The following SLC35D4 variants were observed in gnomAD, a reference collection of about 807,000 sequenced individuals.
The protein encoded by SLC35D4 is UDP-N-acetylglucosamine transporter SLC35D4.
At chr18:23,401,522 C>A in the SLC35D4 span, among the ~76,000 whole-genome samples, 1 of 152,202 alleles carries the variant, frequency 6.6e-6, no homozygotes, top group Non-Finnish European at 1.5e-5. Flanking sequence ...AATTGCTATT[C>A]TTCTAGGAAG....
the SLC35D4 span, chr18:23,377,588 G>A: frequency 6.6e-7 from 1 of 1,518,242 alleles, no homozygotes; most frequent in Non-Finnish European, 8.8e-7. Flanking sequence ...TATCATTCAA[G>A]TTAAAAATAG....
At chr18:23,382,764 C>T in the SLC35D4 span, among the ~76,000 whole-genome samples, 3 of 152,152 alleles carry the variant, frequency 2.0e-5, no homozygotes, top group Admixed American at 6.5e-5. Flanking sequence ...GCCCAAGTGC[C>T]GAGAGGCCTC....
the SLC35D4 span, among the ~76,000 whole-genome samples, chr18:23,275,628 T>G: frequency 2.9e-5 from 4 of 139,988 alleles, no homozygotes; most frequent in South Asian, 8.4e-4. Context: ...TGTGCTGTGC[T>G]GTGCTGTGCT....
the SLC35D4 span, among the ~76,000 whole-genome samples, chr18:23,415,947 C>A: frequency 2.0e-5 from 3 of 152,140 alleles, no homozygotes; most frequent in Non-Finnish European, 4.4e-5. Context: ...GTGGCTCATG[C>A]CTGTAATCCC....
At chr18:23,253,869 CATG>C in the SLC35D4 span, 1 of 1,614,224 alleles carries the variant, frequency 6.2e-7, no homozygotes, top group Non-Finnish European at 8.5e-7. Context: ...TGTGCTGGGG[CATG>C]TGTGCTGTTA....
chr18:23,421,980 TCTC>T, the SLC35D4 span, among the ~76,000 whole-genome samples: 4 of 151,786 alleles, frequency 2.6e-5, no homozygotes, highest in African/African-American at 9.7e-5. Flanking sequence ...CCTGGCCTCT[TCTC>T]CTCTTATTCT....
At chr18:23,257,028 G>A in the SLC35D4 span, 33 of 592,430 alleles carry the variant, frequency 5.6e-5, no homozygotes, top group Non-Finnish European at 9.4e-5. Context: ...CAGCCCCTCG[G>A]GAAAGGAGCA....
At chr18:23,419,300 T>G in the SLC35D4 span, among the ~76,000 whole-genome samples, 1 of 152,064 alleles carries the variant, frequency 6.6e-6, no homozygotes, top group Non-Finnish European at 1.5e-5. Flanking sequence ...TTTTCTTTTT[T>G]TTCTTTTTTG....
chr18:23,240,116 T>C, the SLC35D4 span, among the ~76,000 whole-genome samples: 221 of 152,120 alleles, frequency 1.5e-3, no homozygotes, highest in Non-Finnish European at 2.4e-3. Flanking sequence ...AGACCCTGTC[T>C]CAACAAAACA....
At chr18:23,297,737 C>G in the SLC35D4 span, 1 of 402,030 alleles carries the variant, frequency 2.5e-6, no homozygotes, top group African/African-American at 2.1e-5. Context: ...GAGAGAGGTT[C>G]TCCAAATGGG....
At chr18:23,283,691 C>T in the SLC35D4 span, among the ~76,000 whole-genome samples, 2 of 151,718 alleles carry the variant, frequency 1.3e-5, no homozygotes, top group East Asian at 1.9e-4. Flanking sequence ...TGCCTGTAAT[C>T]CCAGCTACTC....
the SLC35D4 span, among the ~76,000 whole-genome samples, chr18:23,405,687 T>C: frequency 6.6e-5 from 10 of 152,214 alleles, no homozygotes; most frequent in East Asian, 1.9e-3. Flanking sequence ...GTAGTAGTCA[T>C]GGGAGGAGAG....
chr18:23,249,254 C>T, the SLC35D4 span, among the ~76,000 whole-genome samples: 62 of 152,338 alleles, frequency 4.1e-4, 1 homozygote, highest in South Asian at 2.3e-3. Flanking sequence ...TAACTGTTAG[C>T]TTTCCAGCCT....
chr18:23,409,845 TA>T, the SLC35D4 span, among the ~76,000 whole-genome samples: 70 of 29,772 alleles, frequency 2.4e-3, no homozygotes, highest in African/African-American at 6.8e-3. Context: ...CTCCGTCTCT[TA>T]AAAAAAAAAA....
the SLC35D4 span, among the ~76,000 whole-genome samples, chr18:23,340,392 C>T: frequency 6.6e-6 from 1 of 151,770 alleles, no homozygotes; most frequent in African/African-American, 2.4e-5. Flanking sequence ...CTGTTTCAGG[C>T]CAGCAGTACA....
the SLC35D4 span, among the ~76,000 whole-genome samples, chr18:23,305,560 T>G: frequency 6.6e-6 from 1 of 152,216 alleles, no homozygotes; most frequent in Admixed American, 6.5e-5. Context: ...TGAGATAATA[T>G]TAATGTAAGA....
the SLC35D4 span, among the ~76,000 whole-genome samples, chr18:23,373,135 GAAA>G: frequency 6.6e-6 from 1 of 152,156 alleles, no homozygotes; most frequent in Non-Finnish European, 1.5e-5. Context: ...CCAAGATGGA[GAAA>G]CCTCATCTGT....
chr18:23,371,939 T>TTTTTGTTTTTG, the SLC35D4 span, among the ~76,000 whole-genome samples: 6 of 22,436 alleles, frequency 2.7e-4, no homozygotes, highest in Admixed American at 2.0e-3. Context: ...TTTTTTGTTT[T>TTTTTGTTTTTG]TTTTTTTTTT....
the SLC35D4 span, among the ~76,000 whole-genome samples, chr18:23,321,521 TCA>T: frequency 6.6e-6 from 1 of 151,978 alleles, no homozygotes; most frequent in African/African-American, 2.4e-5. Flanking sequence ...TAGTGTGCAA[TCA>T]CGGCTCACTG....
Sources: gnomAD v4.1 joint callset for allele counts (sites outside exome capture counted in the v4.1 genomes callset) on GRCh38, gnomAD v4.1.1 for gene constraint, MANE v1.5 for transcripts, NCBI Gene and HGNC (gene_info 2026-07-23, HGNC 2026-07-21) for gene names.